Variants in ANKFN1 observed in about 807,000 individuals in gnomAD.
The protein encoded by ANKFN1 is ankyrin repeat and fibronectin type-III domain-containing protein 1.
A neutral mutation model predicts 108.7 loss-of-function variants in ANKFN1; 74 were observed. That is an observed-to-expected ratio of 0.68 (90% confidence interval 0.56 to 0.83). The LOEUF is 0.83. Among genes scored for constraint, ANKFN1 ranks in the 40% least tolerant of loss-of-function variants. ANKFN1 has a pLI of 0.00. For missense variants in ANKFN1, 1,505 were observed against 1,382.3 expected (o/e 1.09, Z -1.41); for synonymous variants, 547 against 516.2 (o/e 1.06, Z -0.81).
intron 15 of ANKFN1, among the ~76,000 whole-genome samples, chr17:56,468,370 C>T (rs1300030318): frequency 3.3e-5 from 5 of 152,140 alleles, no homozygotes; most frequent in Non-Finnish European, 7.3e-5. Flanking sequence ...GCTCTCTCTG[C>T]CTCACACATT....
At chr17:56,223,723 A>G (rs1916051030) in intron 2 of ANKFN1, among the ~76,000 whole-genome samples, 1 of 152,230 alleles carries the variant, frequency 6.6e-6, no homozygotes, top group Non-Finnish European at 1.5e-5. Context: ...AAAAGAGGTC[A>G]TGTCCCCCGA....
intron 1 of ANKFN1, among the ~76,000 whole-genome samples, chr17:56,200,309 C>A (rs1427159180): frequency 2.6e-5 from 4 of 152,208 alleles, no homozygotes; most frequent in African/African-American, 4.8e-5. Flanking sequence ...TTAGAAAGAA[C>A]CATGAGCACT....
At chr17:56,121,510 T>G (rs146858252) in intron 4 of ANKFN1, among the ~76,000 whole-genome samples, 194 of 152,178 alleles carry the variant, frequency 1.3e-3, no homozygotes, top group African/African-American at 4.5e-3. Flanking sequence ...AGGTAAAGTG[T>G]TCATTATACG....
intron 8 of ANKFN1, among the ~76,000 whole-genome samples, chr17:56,433,588 A>G (rs533386459): frequency 3.9e-5 from 6 of 152,262 alleles, no homozygotes; most frequent in African/African-American, 1.2e-4. Context: ...GGAAAAACCA[A>G]ACATCGTTTG....
chr17:56,220,787 GAA>G (rs1461744318), intron 2 of ANKFN1, among the ~76,000 whole-genome samples: 1 of 121,954 alleles, frequency 8.2e-6, no homozygotes, highest in Non-Finnish European at 1.7e-5. Context: ...AGTCAGGAAG[GAA>G]GGGAGGAAGG....
chr17:56,407,729 G>A (rs111286138), intron 8 of ANKFN1, among the ~76,000 whole-genome samples: 295 of 152,124 alleles, frequency 1.9e-3, no homozygotes, highest in African/African-American at 6.7e-3. Flanking sequence ...AGAATATTTG[G>A]CTACATTAAC....
chr17:56,093,620 C>T (rs1905462330), intron 4 of ANKFN1, among the ~76,000 whole-genome samples: 1 of 151,452 alleles, frequency 6.6e-6, no homozygotes, highest in South Asian at 2.1e-4. Flanking sequence ...AGAAGTGCTA[C>T]AACTTGCCTT....
chr17:56,278,577 A>G (rs2043993449), intron 3 of ANKFN1, among the ~76,000 whole-genome samples: 1 of 152,192 alleles, frequency 6.6e-6, no homozygotes, highest in African/African-American at 2.4e-5. Flanking sequence ...TTCCAGTTCA[A>G]AAAAATTCCT....
chr17:56,049,523 C>T (rs1245502623), intron 4 of ANKFN1, among the ~76,000 whole-genome samples: 2 of 151,844 alleles, frequency 1.3e-5, no homozygotes, highest in Non-Finnish European at 2.9e-5. Flanking sequence ...GTATATCTCC[C>T]AATGCTATCC....
intron 3 of ANKFN1, among the ~76,000 whole-genome samples, chr17:56,311,907 TGTAGTCCCA>T (rs201767937): frequency 0.013 from 1,986 of 152,254 alleles, 53 homozygotes; most frequent in African/African-American, 0.046. Flanking sequence ...ATACTCAACT[TGTAGTCCCA>T]TTATTTTGTG....
chr17:56,110,672 A>G (rs999761451), intron 4 of ANKFN1, among the ~76,000 whole-genome samples: 4 of 152,286 alleles, frequency 2.6e-5, no homozygotes, highest in Non-Finnish European at 4.4e-5. Flanking sequence ...ATGAAGGCCA[A>G]GACTAAACTC....
At chr17:56,450,190 T>A in intron 11 of ANKFN1, among the ~76,000 whole-genome samples, 1 of 152,104 alleles carries the variant, frequency 6.6e-6, no homozygotes, top group East Asian at 1.9e-4. Flanking sequence ...GAGGCTGCAG[T>A]GAGTTACGAT....
At chr17:56,143,127 G>A (rs1418484039) in intron 4 of ANKFN1, among the ~76,000 whole-genome samples, 1 of 152,140 alleles carries the variant, frequency 6.6e-6, no homozygotes, top group African/African-American at 2.4e-5. Flanking sequence ...TGGGGTTGGG[G>A]GGTAGTTTGG....
intron 1 of ANKFN1, among the ~76,000 whole-genome samples, chr17:56,162,790 C>T (rs564272490): frequency 2.6e-5 from 4 of 152,298 alleles, no homozygotes; most frequent in South Asian, 2.1e-4. Flanking sequence ...AATCCCAGCA[C>T]TCTGAGAGAC....
At chr17:56,061,105 T>C (rs1165668968) in intron 4 of ANKFN1, among the ~76,000 whole-genome samples, 1 of 152,094 alleles carries the variant, frequency 6.6e-6, no homozygotes, top group Non-Finnish European at 1.5e-5. Context: ...CTGCCTTAGT[T>C]CCATAACTTG....
intron 3 of ANKFN1, among the ~76,000 whole-genome samples, chr17:56,321,710 A>T (rs1290098059): frequency 6.6e-6 from 1 of 152,200 alleles, no homozygotes; most frequent in South Asian, 2.1e-4. Context: ...CTGAAATTCT[A>T]TACATCATAT....
intron 4 of ANKFN1, among the ~76,000 whole-genome samples, chr17:56,067,160 G>A (rs891244228): frequency 2.0e-5 from 3 of 152,052 alleles, no homozygotes; most frequent in Non-Finnish European, 2.9e-5. Flanking sequence ...CTGCACTCCA[G>A]CCTGGGCAAC....
intron 1 of ANKFN1, among the ~76,000 whole-genome samples, chr17:56,199,514 T>C (rs1913851280): frequency 1.3e-5 from 2 of 152,198 alleles, no homozygotes; most frequent in Admixed American, 6.5e-5. Context: ...AAAATCAATT[T>C]TGATCTCCCA....
intron 4 of ANKFN1, among the ~76,000 whole-genome samples, chr17:56,348,320 T>C (rs1327788640): frequency 1.1e-4 from 16 of 152,110 alleles, no homozygotes; most frequent in Non-Finnish European, 1.5e-5. Context: ...TCCATTTAGC[T>C]AAAACTGGGT....
Sources: gnomAD v4.1 joint callset for allele counts (sites outside exome capture counted in the v4.1 genomes callset) on GRCh38, gnomAD v4.1.1 for gene constraint, MANE v1.5 for transcripts, NCBI Gene and HGNC (gene_info 2026-07-23, HGNC 2026-07-21) for gene names.